Variants in FABP12 observed in about 807,000 individuals in gnomAD.
The protein encoded by FABP12 is fatty acid-binding protein 12.
A neutral mutation model predicts 13.7 loss-of-function variants in FABP12; 19 were observed. That is an observed-to-expected ratio of 1.39 (90% CI 0.97 to 2.04). The LOEUF (loss-of-function observed/expected upper bound fraction) is 2.04, where lower values mean the gene tolerates loss of function less well. FABP12 is among the 30% of genes most tolerant of loss of function. The pLI, the probability that FABP12 is intolerant of heterozygous loss-of-function variation, is 0.00. For synonymous variants in FABP12, 61 were observed against 57.0 expected (o/e 1.07, Z -0.32); for missense variants, 182 against 164.2 (o/e 1.11, Z -0.59).
intron 1 of FABP12, among the ~76,000 whole-genome samples, chr8:81,581,525 TTA>T (rs1172848466): frequency 6.6e-6 from 1 of 152,288 alleles, no homozygotes; most frequent in African/African-American, 2.4e-5. Context: ...CCATGGCATA[TTA>T]TAGTCAATTT....
intron 4 of FABP12, among the ~76,000 whole-genome samples, chr8:81,525,511 G>A (rs796314234): frequency 1.2e-4 from 17 of 138,920 alleles, no homozygotes; most frequent in East Asian, 4.1e-4. Flanking sequence ...GTAAGACTCC[G>A]TCTCAAAAAA....
intron 1 of FABP12, among the ~76,000 whole-genome samples, chr8:81,558,655 G>A (rs1263075087): frequency 6.6e-6 from 1 of 152,152 alleles, no homozygotes; most frequent in African/African-American, 2.4e-5. Context: ...ACTTTGGGAG[G>A]CCGAGGCGGG....
At chr8:81,571,189 C>A (rs1389938394) in intron 1 of FABP12, among the ~76,000 whole-genome samples, 2 of 152,322 alleles carry the variant, frequency 1.3e-5, no homozygotes, top group Non-Finnish European at 2.9e-5. Flanking sequence ...GCTCTGAGAT[C>A]AAAGCTGGTG....
chr8:81,558,980 T>C (rs1817320208), intron 1 of FABP12, among the ~76,000 whole-genome samples: 1 of 151,074 alleles, frequency 6.6e-6, no homozygotes. Context: ...GGACTCTTTC[T>C]AAGGTCCTGG....
chr8:81,551,383 C>T (rs1161386069), intron 1 of FABP12, among the ~76,000 whole-genome samples: 1 of 152,184 alleles, frequency 6.6e-6, no homozygotes, highest in Non-Finnish European at 1.5e-5. Context: ...GTTTTGCACT[C>T]TACCAGTGTT....
At chr8:81,579,694 G>A (rs921431951) in intron 1 of FABP12, among the ~76,000 whole-genome samples, 1 of 152,098 alleles carries the variant, frequency 6.6e-6, no homozygotes, top group Non-Finnish European at 1.5e-5. Flanking sequence ...CATTTTGACT[G>A]AATTATCTTG....
intron 1 of FABP12, among the ~76,000 whole-genome samples, chr8:81,583,103 C>T (rs1810193188): frequency 2.0e-5 from 3 of 151,944 alleles, no homozygotes; most frequent in Admixed American, 2.0e-4. Flanking sequence ...CTTGAAAGAC[C>T]ACTGGGTCAA....
intron 1 of FABP12, among the ~76,000 whole-genome samples, chr8:81,564,094 C>T (rs1261234094): frequency 6.6e-6 from 1 of 151,990 alleles, no homozygotes; most frequent in African/African-American, 2.4e-5. Flanking sequence ...TGGCAGAAGA[C>T]TTCTCAGTGG....
upstream of FABP12, among the ~76,000 whole-genome samples, chr8:81,534,810 G>A (rs908701160): frequency 6.6e-6 from 1 of 152,064 alleles, no homozygotes; most frequent in Non-Finnish European, 1.5e-5. Flanking sequence ...TGGGTGTGGT[G>A]GTGGGCACCT....
At chr8:81,558,612 C>A (rs1331976297) in intron 1 of FABP12, among the ~76,000 whole-genome samples, 1 of 152,116 alleles carries the variant, frequency 6.6e-6, no homozygotes, top group African/African-American at 2.4e-5. Context: ...TGGATGAGGG[C>A]AGGGCGCGGT....
At chr8:81,544,337 G>A (rs1212815898) in intron 1 of FABP12, among the ~76,000 whole-genome samples, 3 of 152,162 alleles carry the variant, frequency 2.0e-5, no homozygotes, top group Non-Finnish European at 2.9e-5. Flanking sequence ...AAGTTTCTAG[G>A]GGAAAATTCG....
At chr8:81,551,081 T>C (rs1052700683) in intron 1 of FABP12, among the ~76,000 whole-genome samples, 2 of 152,130 alleles carry the variant, frequency 1.3e-5, no homozygotes, top group Non-Finnish European at 1.5e-5. Context: ...AAATCTCCCT[T>C]CTGGATGTGC....
chr8:81,552,611 T>C (rs985644210), intron 1 of FABP12, among the ~76,000 whole-genome samples: 1 of 152,144 alleles, frequency 6.6e-6, no homozygotes, highest in African/African-American at 2.4e-5. Flanking sequence ...TAAAGAACAC[T>C]GGATGAATTT....
intron 1 of FABP12, among the ~76,000 whole-genome samples, chr8:81,565,802 GAGA>G (rs1192861939): frequency 6.6e-5 from 10 of 151,680 alleles, no homozygotes; most frequent in Non-Finnish European, 1.5e-4. Flanking sequence ...CTAAAATTAG[GAGA>G]AGAATTAATA....
chr8:81,525,630 A>G (rs969225544), intron 4 of FABP12, among the ~76,000 whole-genome samples: 25 of 152,096 alleles, frequency 1.6e-4, no homozygotes, highest in Non-Finnish European at 3.1e-4. Flanking sequence ...GCCATGTTCT[A>G]TATAACCTAT....
chr8:81,557,812 C>CT (rs1370088585), intron 1 of FABP12, among the ~76,000 whole-genome samples: 5 of 152,002 alleles, frequency 3.3e-5, no homozygotes, highest in Admixed American at 1.3e-4. Flanking sequence ...TAAGAAAAAG[C>CT]TTTTTTTTCC....
chr8:81,539,306 T>C (rs543392427), intron 2 of FABP12, among the ~76,000 whole-genome samples: 1 of 151,556 alleles, frequency 6.6e-6, no homozygotes, highest in South Asian at 2.1e-4. Flanking sequence ...TTATAAGTAA[T>C]AGTAAGTTAT....
At chr8:81,579,541 G>C (rs1189286683) in intron 1 of FABP12, among the ~76,000 whole-genome samples, 1 of 152,112 alleles carries the variant, frequency 6.6e-6, no homozygotes, top group East Asian at 1.9e-4. Flanking sequence ...TAAAGCAAAT[G>C]TCATTTTGGT....
chr8:81,563,852 A>C (rs976591934), intron 1 of FABP12, among the ~76,000 whole-genome samples: 1 of 152,218 alleles, frequency 6.6e-6, no homozygotes, highest in Non-Finnish European at 1.5e-5. Context: ...GGCTTTAAAG[A>C]GTAGAGGGTA....
Sources: gnomAD v4.1 joint callset for allele counts (sites outside exome capture counted in the v4.1 genomes callset) on GRCh38, gnomAD v4.1.1 for gene constraint, MANE v1.5 for transcripts, NCBI Gene and HGNC (gene_info 2026-07-23, HGNC 2026-07-21) for gene names.